Variants in NFATC2 observed in about 807,000 individuals in gnomAD.
NFATC2 encodes the protein nuclear factor of activated T-cells, cytoplasmic 2.
A neutral mutation model predicts 87.3 loss-of-function variants in NFATC2; 22 were observed. The ratio of observed to expected loss-of-function variants is 0.25; its 90% confidence interval spans 0.18 to 0.36. The LOEUF is 0.36. Ranked by LOEUF, NFATC2 falls within the 10% of genes least tolerant of loss-of-function variation. The pLI, the probability that NFATC2 is intolerant of heterozygous loss-of-function variation, is 1.00. For synonymous variants in NFATC2, 565 were observed against 542.2 expected, an observed-to-expected ratio of 1.04 and a Z score of -0.58; for missense variants, 1,149 against 1,259.1, an observed-to-expected ratio of 0.91 and a Z score of 1.32.
chr20:51,453,697 C>T (rs963894167), intron 6 of NFATC2, among the ~76,000 whole-genome samples: 12 of 152,114 alleles, frequency 7.9e-5, no homozygotes, highest in African/African-American at 2.7e-4. Flanking sequence ...AAACATTATG[C>T]GTCTCAGAGC....
intron 1 of NFATC2, among the ~76,000 whole-genome samples, chr20:51,535,201 G>A (rs2076699820): frequency 6.6e-6 from 1 of 152,124 alleles, no homozygotes; most frequent in Non-Finnish European, 1.5e-5. Flanking sequence ...GACTCGCCAG[G>A]GCTAAACCCA....
rs1439145268 is a variant in NFATC2, at chr20:51,524,953, C to T, written c.131-843G>A. ...AATGGATGCAGGCCGGGCGTGGTGG[C>T]TCACACCTGGAATCCCGGCACTTCG... On this transcript the variant is annotated intron_variant, in intron 1 of 10. Coordinates refer to ENST00000371564, the MANE Select transcript of NFATC2 (RefSeq NM_012340.5). This position sits in a 1 kb window ranked among gnomAD's most constrained non-coding sequence, Gnocchi z 4.0. 6.6e-6 allele frequency among the ~76,000 whole-genome samples: 1 copy of T among 152,190 alleles called. No homozygotes were observed. Among genetic ancestry groups the T allele is most frequent in the African/African-American group, 2.4e-5 (1 of 41,444 alleles).
At position 51,485,531 on chromosome 20, in the gene NFATC2, G is replaced by T. The variant is rs186871509; in HGVS notation, c.1333-9871C>A. ...CTTTGAAGTTGGGCTTTTTCTTGTT[G>T]ATTTTTTTTTTTTAAGAAGCCATAC... On this transcript the variant is annotated intron_variant, in intron 3 of 10. Coordinates refer to ENST00000371564, the MANE Select transcript of NFATC2 (RefSeq NM_012340.5). Among the ~76,000 whole-genome samples, 36 of 118,220 alleles carry T rather than the reference G, an allele frequency of 3.0e-4. No homozygotes were observed. The East Asian group carries it at 0.01, about 33-fold the overall frequency. 77.6% of individuals were successfully genotyped at this position (118,220 alleles called of 152,430 possible).
At position 51,435,716 on chromosome 20, in the gene NFATC2, T is replaced by G; in HGVS notation, c.1895A>C (p.Lys632Thr). The G allele has an allele frequency of 6.2e-7, 1 of 1,610,042 alleles. No individual in the cohort carries two copies. The highest frequency in any genetic ancestry group is 8.5e-7 in the Non-Finnish European group (1 of 1,178,148). ...WEMEATVDKDKSQPNMLFVEI... is the reference protein window; with the variant it reads ...WEMEATVDKDTSQPNMLFVEI... ...GCGTCACGTGCTTACGGGCTGGCTC[T>G]TGTCCTTATCCACCGTGGCTTCCAT... Residue 632 changes from lysine (K) to threonine (T), a missense_variant, in exon 7 of 11, where the codon AAG (lysine) becomes ACG (threonine). Physicochemically the swap from Lys to Thr is moderately conservative, Grantham distance 78. Around this residue, in one of 3 missense-constraint regions of NFATC2, gnomAD observed 581 missense variants for 649.7 expected, o/e 0.89. Transcript: ENST00000371564.
chr20:51,391,368 A>G lies in NFATC2; in HGVS notation c.*128T>C, dbSNP rs571548850. 2 of 1,556,900 alleles carry G rather than the reference A, an allele frequency of 1.3e-6. No homozygotes were observed. Among genetic ancestry groups the G allele is most frequent in the African/African-American group, 1.4e-5 (1 of 73,016 alleles). On this transcript the variant is annotated 3_prime_UTR_variant, in exon 11 of 11. Transcript: ENST00000371564. ...TGGAGGGCTCCGAGGGGTCAGATAC[A>G]GAAGGTGTCTTGCTATAATGGCTTC... is the stretch of plus-strand genomic sequence containing the variant.
chr20:51,442,705 T>A (rs1054171593), intron 6 of NFATC2, among the ~76,000 whole-genome samples: 2 of 105,638 alleles, frequency 1.9e-5, no homozygotes, highest in African/African-American at 6.9e-5. Flanking sequence ...TAAATAAAGT[T>A]TGTTTTTTTT....
intron 1 of NFATC2, among the ~76,000 whole-genome samples, chr20:51,540,016 TTTG>T (rs1266900019): frequency 2.6e-5 from 4 of 152,100 alleles, no homozygotes; most frequent in South Asian, 2.1e-4. Context: ...TAGTATACTT[TTTG>T]TTGTTGTTTT....
At chr20:51,527,416 G>A (rs1285436377) in intron 1 of NFATC2, among the ~76,000 whole-genome samples, 1 of 152,118 alleles carries the variant, frequency 6.6e-6, no homozygotes, top group Non-Finnish European at 1.5e-5. Context: ...ACAGGCCCCT[G>A]CTGTGTTCTG....
At chr20:51,511,876 C>T (rs1200601894) in intron 3 of NFATC2, among the ~76,000 whole-genome samples, 2 of 152,200 alleles carry the variant, frequency 1.3e-5, no homozygotes, top group Non-Finnish European at 2.9e-5. Context: ...TCATGTCTTC[C>T]CCTTGCCCTG....
At chr20:51,526,828 G>A (rs1177992666) in intron 1 of NFATC2, among the ~76,000 whole-genome samples, 3 of 152,114 alleles carry the variant, frequency 2.0e-5, no homozygotes, top group Non-Finnish European at 4.4e-5. Context: ...GCTGGGCCCT[G>A]CCTGTGCATC....
At chr20:51,469,980 T>C (rs1330040974) in intron 5 of NFATC2, among the ~76,000 whole-genome samples, 16 of 152,240 alleles carry the variant, frequency 1.1e-4, no homozygotes, top group Admixed American at 1.0e-3. Flanking sequence ...GCGCCAGCTC[T>C]ACCCCTGCAG....
intron 1 of NFATC2, among the ~76,000 whole-genome samples, chr20:51,536,898 A>AACACACACACACAC (rs10648135): frequency 6.7e-6 from 1 of 149,682 alleles, no homozygotes; most frequent in African/African-American, 2.5e-5. Context: ...GCAAGCACCA[A>AACACACACACACAC]ACACACACAC....
chr20:51,547,292 A>G (rs964884110), upstream of NFATC2, among the ~76,000 whole-genome samples: 3 of 152,166 alleles, frequency 2.0e-5, no homozygotes, highest in South Asian at 4.1e-4. Context: ...AAGGATTCAC[A>G]AGACTCATAG....
chr20:51,388,385 TC>T lies in NFATC2; in HGVS notation c.*3110del, dbSNP rs1348843890. On this transcript the variant is annotated 3_prime_UTR_variant, in exon 11 of 11. Transcript: ENST00000371564. ...TTCCTTCTTCCACAAAGCCATTCCT[TC>T]TCCTGAGATGCCATCTTCTAGAGAG... 1 of 152,136 alleles carries T rather than the reference TC, an allele frequency of 6.6e-6. No individual in the cohort carries two copies. Among genetic ancestry groups the T allele is most frequent in the African/African-American group, 2.4e-5 (1 of 41,432 alleles). 9.4% of individuals were successfully genotyped at this position (152,136 alleles called of 1,614,324 possible).
chr20:51,432,169 C>A lies in NFATC2; in HGVS notation c.2620G>T (p.Ala874Ser). 22 of 1,605,414 alleles carry A rather than the reference C, an allele frequency of 1.4e-5. No homozygotes were observed. The highest frequency in any genetic ancestry group is 1.8e-5 in the Non-Finnish European group (21 of 1,173,888). ...CTGACCGGGGGTCCGTTTTTGGCGG[C>A]TCTTTGGCTCGTGGCATTCTGCTGC... The part of the protein sequence containing the change: ...IQQQNATSQR[A>S]AKNGPPVSDQ... The change falls in exon 9 of 11, where the codon GCC becomes TCC. Residue 874 changes from alanine to serine, a missense_variant. Around this residue, in one of 3 missense-constraint regions of NFATC2, gnomAD observed 581 missense variants for 649.7 expected, o/e 0.89. Transcript: ENST00000371564. The surrounding 1 kb of genome is among the most constrained non-coding windows in gnomAD (Gnocchi z 4.6).
chr20:51,408,082 G>T (rs1161965197), intron 9 of NFATC2, among the ~76,000 whole-genome samples: 2 of 152,204 alleles, frequency 1.3e-5, no homozygotes, highest in African/African-American at 4.8e-5. Flanking sequence ...GGACCACAAG[G>T]CCAAAGCCAG....
intron 3 of NFATC2, among the ~76,000 whole-genome samples, chr20:51,510,694 G>C (rs562665889): frequency 2.6e-5 from 4 of 152,098 alleles, no homozygotes; most frequent in Non-Finnish European, 5.9e-5. Flanking sequence ...CGATCACAGC[G>C]GACTGCCGCC....
intron 5 of NFATC2, among the ~76,000 whole-genome samples, chr20:51,471,849 T>C (rs1240597077): frequency 6.6e-6 from 1 of 152,230 alleles, no homozygotes; most frequent in Non-Finnish European, 1.5e-5. Context: ...TATTTTTTGG[T>C]TTATTTTTAA....
At chr20:51,516,986 G>A in intron 2 of NFATC2, 31 bp from the exon 3 acceptor site, 8 of 1,577,990 alleles carry the variant, frequency 5.1e-6, no homozygotes, top group African/African-American at 1.4e-5. Context: ...AGCCATGTGT[G>A]CAATAAACCA....
Sources: gnomAD v4.1 joint callset for allele counts (sites outside exome capture counted in the v4.1 genomes callset) on GRCh38, gnomAD v4.1.1 for gene constraint, gnomAD v4.1.1 regional missense constraint, Gnocchi (gnomAD v3.1) non-coding constraint, MANE v1.5 for transcripts, NCBI Gene and HGNC (gene_info 2026-07-23, HGNC 2026-07-21) for gene names.